The following RFTN2 variants were observed in gnomAD, a reference collection of about 807,000 sequenced individuals.
RFTN2 encodes raftlin family member 2.
In RFTN2, 34 loss-of-function variants were observed where a neutral mutation model predicts 52.7. The ratio of observed to expected loss-of-function variants is 0.64; its 90% confidence interval spans 0.49 to 0.86. The LOEUF is 0.86. Ranked by LOEUF, RFTN2 falls within the 40% of genes least tolerant of loss-of-function variation. The pLI is 0.00. For missense variants in RFTN2, 536 were observed against 600.1 expected (o/e 0.89, Z 1.12); for synonymous variants, 203 against 217.7 (o/e 0.93, Z 0.59).
At chr2:197,646,418 T>G in intron 2 of RFTN2, 65 bp downstream of exon 2, 1 of 1,349,578 alleles carries the variant, frequency 7.4e-7, no homozygotes, top group South Asian at 1.5e-5. Flanking sequence ...GATTCAAATT[T>G]TTTTTTCTTT....
intron 4 of RFTN2, 92 bp downstream of exon 4, chr2:197,633,626 A>T: frequency 1.1e-6 from 1 of 950,852 alleles, no homozygotes; most frequent in South Asian, 1.7e-5. Flanking sequence ...ATCTTTAGCA[A>T]TTTACTTTGA....
At chr2:197,642,970 A>G (rs1195771528) in intron 3 of RFTN2, among the ~76,000 whole-genome samples, 5 of 152,218 alleles carry the variant, frequency 3.3e-5, no homozygotes, top group Admixed American at 3.3e-4. Context: ...TTTAACAACA[A>G]CAACAAAAAA....
chr2:197,651,610 C>T (rs1223645694), intron 1 of RFTN2, among the ~76,000 whole-genome samples: 1 of 151,782 alleles, frequency 6.6e-6, no homozygotes. Context: ...GAGTGAAACT[C>T]CATCTCAAAA....
rs1186682633 is a variant in RFTN2, at chr2:197,633,886, G to C, written c.550C>G (p.Leu184Val). 6.2e-7 allele frequency: 1 copy of C among 1,613,672 alleles called. No homozygotes were observed. The highest frequency in any genetic ancestry group is 1.3e-5 in the African/African-American group (1 of 74,878). The stretch of plus-strand genomic sequence containing the variant: ...TCATCTGAACCGTGTCTCACATGTA[G>C]CATCGATTCTATATCTCCATCATGG... The part of the protein sequence containing the change: ...TNHDGDIESM[L>V]HVRHGSDENC... The change falls in exon 4 of 9, where the codon CTA becomes GTA. Residue 184 changes from leucine (L) to valine (V), a missense_variant. Coordinates refer to ENST00000295049, the MANE Select transcript of RFTN2 (RefSeq NM_144629.3).
intron 5 of RFTN2, among the ~76,000 whole-genome samples, chr2:197,627,554 G>T (rs896428502): frequency 6.6e-6 from 1 of 152,126 alleles, no homozygotes; most frequent in South Asian, 2.1e-4. Flanking sequence ...CTCTACTAGT[G>T]CCACACAAAC....
chr2:197,626,201 C>T (rs2088356558), intron 5 of RFTN2, among the ~76,000 whole-genome samples: 1 of 152,154 alleles, frequency 6.6e-6, no homozygotes, highest in Non-Finnish European at 1.5e-5. Flanking sequence ...GTGGCTCTAC[C>T]ACTTTCTAGT....
intron 3 of RFTN2, among the ~76,000 whole-genome samples, chr2:197,636,877 T>G (rs1188124098): frequency 2.0e-5 from 3 of 150,500 alleles, no homozygotes; most frequent in Non-Finnish European, 4.5e-5. Flanking sequence ...GCTGTGGGTT[T>G]GTCATAGATA....
chr2:197,628,503 T>G (rs1321940870), intron 5 of RFTN2, among the ~76,000 whole-genome samples: 2 of 152,188 alleles, frequency 1.3e-5, no homozygotes, highest in African/African-American at 4.8e-5. Context: ...AAGGCAGGGA[T>G]GCCTGAGAGA....
chr2:197,595,276 C>A (rs1262585726), intron 8 of RFTN2, among the ~76,000 whole-genome samples: 9 of 152,210 alleles, frequency 5.9e-5, no homozygotes, highest in Non-Finnish European at 1.3e-4. Flanking sequence ...AGATTTAGAA[C>A]TGTAAGGGCA....
chr2:197,595,160 G>GA (rs1189871913), intron 8 of RFTN2, among the ~76,000 whole-genome samples: 2 of 152,150 alleles, frequency 1.3e-5, no homozygotes, highest in Non-Finnish European at 2.9e-5. Flanking sequence ...GCAAAGTGCT[G>GA]AAAAAATATA....
At chr2:197,617,608 G>C (rs911989474) in intron 6 of RFTN2, among the ~76,000 whole-genome samples, 192 bp downstream of exon 6, 2 of 151,984 alleles carry the variant, frequency 1.3e-5, no homozygotes, top group Admixed American at 6.6e-5. Context: ...TGAGCCAGGG[G>C]AAGTTGAGGC....
At chr2:197,631,829 C>T (rs912298121) in intron 4 of RFTN2, among the ~76,000 whole-genome samples, 1 of 152,124 alleles carries the variant, frequency 6.6e-6, no homozygotes, top group Non-Finnish European at 1.5e-5. Flanking sequence ...AAATTCTTAA[C>T]GTAGGGTCAG....
intron 1 of RFTN2, among the ~76,000 whole-genome samples, chr2:197,654,928 C>T (rs1412991225): frequency 6.6e-6 from 1 of 152,124 alleles, no homozygotes; most frequent in Non-Finnish European, 1.5e-5. Flanking sequence ...ACTCAGGAGA[C>T]GGAGGTTGCA....
chr2:197,641,370 C>G (rs1342566011), intron 3 of RFTN2, among the ~76,000 whole-genome samples: 3 of 152,176 alleles, frequency 2.0e-5, no homozygotes, highest in Admixed American at 6.5e-5. Flanking sequence ...CCATTTAAAA[C>G]AACCACAAAT....
At chr2:197,591,645 AC>A (rs1018645235) in intron 8 of RFTN2, among the ~76,000 whole-genome samples, 1 of 152,106 alleles carries the variant, frequency 6.6e-6, no homozygotes, top group African/African-American at 2.4e-5. Context: ...GCAGGAGCCC[AC>A]GGTGGTGGAG....
intron 8 of RFTN2, among the ~76,000 whole-genome samples, chr2:197,592,546 G>A (rs916545123): frequency 1.4e-4 from 22 of 152,180 alleles, no homozygotes; most frequent in Non-Finnish European, 3.1e-4. Flanking sequence ...ATCAGCCCAT[G>A]AAATCTATTG....
At chr2:197,670,218 A>G (rs976451749) in intron 1 of RFTN2, among the ~76,000 whole-genome samples, 2 of 151,972 alleles carry the variant, frequency 1.3e-5, no homozygotes, top group African/African-American at 4.8e-5. Context: ...TTACCATCCA[A>G]CCCTTTAAGG....
intron 8 of RFTN2, among the ~76,000 whole-genome samples, chr2:197,592,799 A>T (rs972940632): frequency 3.3e-5 from 5 of 152,220 alleles, no homozygotes; most frequent in Non-Finnish European, 7.3e-5. Context: ...ACTTTCACAA[A>T]ATATATATGA....
At chr2:197,583,973 C>T (rs1559338244) in intron 8 of RFTN2, among the ~76,000 whole-genome samples, 2 of 151,930 alleles carry the variant, frequency 1.3e-5, no homozygotes, top group South Asian at 2.1e-4. Flanking sequence ...TTTTTTATGG[C>T]GCATAGTATT....
Sources: allele counts gnomAD v4.1 joint callset (sites outside exome capture counted in the v4.1 genomes callset), GRCh38; gene constraint gnomAD v4.1.1; transcripts MANE v1.5; gene names NCBI Gene and HGNC (gene_info 2026-07-23, HGNC 2026-07-21).